KIAA1549: variants seen among roughly 807,000 people sequenced by gnomAD.
KIAA1549 encodes the protein UPF0606 protein KIAA1549.
KIAA1549 carries 70 observed loss-of-function variants against 156.4 expected under a neutral mutation model. That is an observed-to-expected ratio of 0.45 (90% CI 0.37 to 0.55). The LOEUF (loss-of-function observed/expected upper bound fraction) is 0.55, where lower values mean the gene tolerates loss of function less well. KIAA1549 is among the 20% of genes least tolerant of loss of function. The pLI is 0.00. For missense variants in KIAA1549, 2,428 were observed against 2,540.9 expected (o/e 0.96, Z 0.96); for synonymous variants, 1,103 against 1,066.4 (o/e 1.03, Z -0.67).
Position 138,916,769 on chromosome 7 carries a change from C to T in KIAA1549, c.2857G>A (p.Asp953Asn), listed in dbSNP as rs61734245. The change falls in exon 2 of 20, where the codon GAT (aspartate) becomes AAT (asparagine). Residue 953 changes from aspartate (D) to asparagine (N), a missense_variant. Asp to Asn is a conservative substitution (Grantham distance 23). Transcript: ENST00000422774. The stretch of plus-strand genomic sequence containing the variant: ...TTACCAGTTGTGATCAGATAGGCAT[C>T]GGGGACTGTGATATCACAAACATAT... ...PPYVCDITVP[D>N]AYLITTVLAR... 2.9e-4 allele frequency: 474 copies of T among 1,613,918 alleles called. 1 individual carries two copies. The African/African-American group carries it at 5.1e-3, about 17-fold the overall frequency.
At chr7:138,841,535 T>C (rs1809918150) in intron 18 of KIAA1549, among the ~76,000 whole-genome samples, 1 of 152,166 alleles carries the variant, frequency 6.6e-6, no homozygotes, top group Non-Finnish European at 1.5e-5. Flanking sequence ...ATATTGCAAA[T>C]TAAGGGCGAA....
chr7:138,950,164 T>C (rs571619372), intron 1 of KIAA1549, among the ~76,000 whole-genome samples: 2 of 152,350 alleles, frequency 1.3e-5, no homozygotes, highest in East Asian at 1.9e-4. Context: ...TTTCTTGATA[T>C]TGGTGTTGTT....
At chr7:138,873,270 G>A (rs1810988725) in intron 12 of KIAA1549, among the ~76,000 whole-genome samples, 5 of 152,196 alleles carry the variant, frequency 3.3e-5, no homozygotes, top group Admixed American at 2.6e-4. Context: ...CTGAGCCAGA[G>A]GACACCATTG....
chr7:138,871,277 C>CT lies in KIAA1549; in HGVS notation c.4430dup (p.Ala1478GlyfsTer2). Reference sequence around the variant, plus strand: ...TCTTACTGGGGACCCGCCGGCTAGCCTCCGGGGGGCGGGAGATCCTGTCCA... The same window carrying CT: ...TCTTACTGGGGACCCGCCGGCTAGCCTTCCGGGGGGCGGGAGATCCTGTCCA... On this transcript the variant is annotated frameshift_variant, in exon 13 of 20. Coordinates refer to ENST00000422774, the MANE Select transcript of KIAA1549 (RefSeq NM_001164665.2). LOFTEE classifies it high-confidence loss of function. 6.2e-7 allele frequency: 1 copy of CT among 1,610,790 alleles called. No individual in the cohort carries two copies. Among genetic ancestry groups the CT allele is most frequent in the Middle Eastern group, 1.7e-4 (1 of 6,048 alleles).
At chr7:138,865,617 T>G (rs571405711) in intron 15 of KIAA1549, among the ~76,000 whole-genome samples, 62 of 152,298 alleles carry the variant, frequency 4.1e-4, no homozygotes, top group Admixed American at 2.4e-3. Flanking sequence ...AAGGAGCCAC[T>G]GAAGGCAAGC....
At chr7:138,861,495 T>C in intron 15 of KIAA1549, 39 bp from the exon 16 acceptor site, 1 of 1,515,638 alleles carries the variant, frequency 6.6e-7, no homozygotes, top group Non-Finnish European at 9.0e-7. Flanking sequence ...CACACATGAG[T>C]TTTTGTGGCA....
intron 8 of KIAA1549, 131 bp downstream of exon 8, chr7:138,903,457 G>A: frequency 1.1e-6 from 1 of 942,352 alleles, no homozygotes. Context: ...AGCGATCAGT[G>A]GAAATCAGAA....
chr7:138,888,108 C>T lies in KIAA1549; in HGVS notation c.4032+6234G>A, dbSNP rs573301788. ...TCTGTTCAGCAGCATGTGGGAAACCCAAGGTGCCACAATGCATATGCTTTC... is the reference window on the plus strand; with the variant it reads ...TCTGTTCAGCAGCATGTGGGAAACCTAAGGTGCCACAATGCATATGCTTTC... On this transcript the variant is annotated intron_variant, in intron 10 of 19. Transcript: ENST00000422774. 5.9e-5 allele frequency among the ~76,000 whole-genome samples: 9 copies of T among 152,308 alleles called. No homozygotes were observed. The East Asian group carries it at 1.5e-3, about 26-fold the overall frequency.
chr7:138,887,610 T>C (rs939165507), intron 10 of KIAA1549, among the ~76,000 whole-genome samples: 4 of 152,180 alleles, frequency 2.6e-5, no homozygotes, highest in African/African-American at 9.7e-5. Flanking sequence ...CCTCCCACTT[T>C]ACAGAAGAGA....
chr7:138,901,968 T>TAC (rs36000234), intron 8 of KIAA1549, among the ~76,000 whole-genome samples: 108,242 of 151,878 alleles, frequency 0.71, 38,914 homozygotes, highest in East Asian at 0.9. Flanking sequence ...CACTGTATTA[T>TAC]ACTTTCACGG....
At position 138,869,521 on chromosome 7, in the gene KIAA1549, G is replaced by A. The variant is rs905757596; in HGVS notation, c.4775+17C>T. 5.8e-6 allele frequency: 9 copies of A among 1,545,444 alleles called. No homozygotes were observed. The highest frequency in any genetic ancestry group is 3.6e-5 in the South Asian group (3 of 84,014). On this transcript the variant is annotated intron_variant, in intron 14 of 19. Transcript: ENST00000422774. ...CTGCGCGCCCGCCCCACCGCCTAGCGCAGAGCCCCAGCCCACCTCTTCCTG... is the reference window on the plus strand; with the variant it reads ...CTGCGCGCCCGCCCCACCGCCTAGCACAGAGCCCCAGCCCACCTCTTCCTG...
intron 15 of KIAA1549, among the ~76,000 whole-genome samples, chr7:138,863,535 G>A (rs980101396): frequency 2.6e-5 from 4 of 151,872 alleles, no homozygotes; most frequent in South Asian, 2.1e-4. Context: ...GTCAACCCAC[G>A]GACAGGTTTT....
chr7:138,951,861 A>C (rs1163409169), intron 1 of KIAA1549, among the ~76,000 whole-genome samples: 1 of 152,246 alleles, frequency 6.6e-6, no homozygotes, highest in Non-Finnish European at 1.5e-5. Context: ...TTAAAAAGTT[A>C]CCTTTATAAA....
At chr7:138,939,959 C>A (rs1813127337) in intron 1 of KIAA1549, among the ~76,000 whole-genome samples, 1 of 152,036 alleles carries the variant, frequency 6.6e-6, no homozygotes, top group Admixed American at 6.6e-5. Flanking sequence ...CCAGCCTGGG[C>A]AACATAGCAA....
rs558873858 is a variant in KIAA1549, at chr7:138,917,106, A to G, written c.2520T>C (p.Thr840=). The stretch of plus-strand genomic sequence containing the variant: ...AGGATCCTGATGGCAGGTACGCGTC[A>G]GTGATCAACACCGTACCAGTGGGAA... ...KAIPTGTVLI[T]DAYLPSGSSF... is the part of the protein sequence containing the mutation. Residue 840 remains threonine, a synonymous_variant, in exon 2 of 20, where the codon ACT becomes ACC. Transcript: ENST00000422774. 92 of 1,611,446 alleles carry G rather than the reference A, an allele frequency of 5.7e-5. 2 individuals carry two copies. The South Asian group carries it at 9.3e-4, about 16-fold the overall frequency.
At chr7:138,954,563 G>A (rs377064282) in intron 1 of KIAA1549, among the ~76,000 whole-genome samples, 18 of 152,142 alleles carry the variant, frequency 1.2e-4, no homozygotes, top group African/African-American at 4.1e-4. Flanking sequence ...GCCAAAAATG[G>A]TCTGGTTCCT....
chr7:138,922,812 C>T lies in KIAA1549; in HGVS notation c.188-3374G>A, dbSNP rs938000288. 6.6e-5 allele frequency among the ~76,000 whole-genome samples: 10 copies of T among 151,836 alleles called. No individual in the cohort carries two copies. The South Asian group carries it at 1.5e-3, about 22-fold the overall frequency. ...AGACAGAATAAGACAGTCCAACATA[C>T]ATTTGATCAAAGTTTTAGGAAAAAA... On this transcript the variant is annotated intron_variant, in intron 1 of 19. Transcript: ENST00000422774.
At chr7:138,930,339 C>T (rs917098916) in intron 1 of KIAA1549, among the ~76,000 whole-genome samples, 3 of 152,202 alleles carry the variant, frequency 2.0e-5, no homozygotes, top group African/African-American at 7.2e-5. Flanking sequence ...GCTTCAACTT[C>T]AAGTCACTAG....
intron 1 of KIAA1549, among the ~76,000 whole-genome samples, chr7:138,980,397 G>A (rs1814510070): frequency 1.3e-5 from 2 of 152,202 alleles, no homozygotes. Context: ...CTGATGAACA[G>A]TCACTAAATT....
Sources: allele counts gnomAD v4.1 joint callset (sites outside exome capture counted in the v4.1 genomes callset), GRCh38; gene constraint gnomAD v4.1.1; transcripts MANE v1.5; gene names NCBI Gene and HGNC (gene_info 2026-07-23, HGNC 2026-07-21).